Variants in FAM234A observed in about 807,000 individuals in gnomAD.
FAM234A encodes protein FAM234A.
A neutral mutation model predicts 49.1 loss-of-function variants in FAM234A; 42 were observed. That is an observed-to-expected ratio of 0.86 (90% CI 0.67 to 1.11). The LOEUF (loss-of-function observed/expected upper bound fraction) is 1.11. Among genes scored for constraint, FAM234A ranks in the 50% least tolerant of loss-of-function variants. The pLI is 0.00. For synonymous variants in FAM234A, 369 were observed against 316.2 expected (o/e 1.17, Z -1.77); for missense variants, 815 against 745.2 (o/e 1.09, Z -1.09).
intron 2 of FAM234A, among the ~76,000 whole-genome samples, chr16:250,612 G>A (rs1456683174): frequency 1.3e-5 from 2 of 152,118 alleles, no homozygotes; most frequent in African/African-American, 4.8e-5. Context: ...TGTACATAAC[G>A]TAAAATTTGC....
downstream of FAM234A, chr16:269,700 C>A: frequency 1.2e-6 from 1 of 836,840 alleles, no homozygotes; most frequent in South Asian, 1.6e-5. Flanking sequence ...GAGTCTCCGG[C>A]GGACAGGGTG....
chr16:247,697 G>A lies in FAM234A; in HGVS notation c.-139-1852G>A, dbSNP rs1327990135. Among the ~76,000 whole-genome samples the A allele has an allele frequency of 2.6e-5, 4 of 152,072 alleles. No individual in the cohort carries two copies. In the East Asian group the frequency reaches 7.7e-4, roughly 29 times the overall value. On this transcript the variant is annotated intron_variant, in intron 1 of 12. Transcript: ENST00000399932. ...CTCCGCCTGCCTTGGCCTCCCAAAG[G>A]GCTGGGATTATAGGCGTGAGCCACC...
intron 2 of FAM234A, among the ~76,000 whole-genome samples, chr16:253,671 T>A (rs2051108579): frequency 6.6e-6 from 1 of 152,110 alleles, no homozygotes; most frequent in Non-Finnish European, 1.5e-5. Flanking sequence ...AGATGGGGTT[T>A]CACCGAGTTA....
At chr16:258,723 A>AG (rs1177971491) in intron 3 of FAM234A, among the ~76,000 whole-genome samples, 3 of 152,046 alleles carry the variant, frequency 2.0e-5, no homozygotes, top group Non-Finnish European at 4.4e-5. Flanking sequence ...ACTTCCCAGT[A>AG]GGGGTGGCCG....
chr16:237,010 T>C (rs1019909141), intron 1 of FAM234A, among the ~76,000 whole-genome samples: 2 of 152,026 alleles, frequency 1.3e-5, no homozygotes, highest in African/African-American at 4.8e-5. Flanking sequence ...TTTGTTGGCC[T>C]CCTGAAGTGC....
At chr16:262,724 AAAGTTGAGT>A (rs1225160669) in intron 8 of FAM234A, among the ~76,000 whole-genome samples, 171 bp downstream of exon 8, 1 of 152,094 alleles carries the variant, frequency 6.6e-6, no homozygotes, top group Non-Finnish European at 1.5e-5. Flanking sequence ...TGGTCAAATA[AAAGTTGAGT>A]AAAGAGAAGA....
At chr16:269,603 C>T (rs369771666), downstream of FAM234A, 85 of 1,594,618 alleles carry the variant, frequency 5.3e-5, no homozygotes, top group Non-Finnish European at 7.0e-5. Flanking sequence ...AGACAGCGTC[C>T]AGCCCCTGAC....
At chr16:260,836 T>A in intron 5 of FAM234A, 1 of 369,494 alleles carries the variant, frequency 2.7e-6, no homozygotes, top group Non-Finnish European at 5.6e-6. Flanking sequence ...TGGATGAGAT[T>A]GTATGTGCGT....
At chr16:241,651 C>T (rs2050617233) in intron 1 of FAM234A, among the ~76,000 whole-genome samples, 1 of 151,898 alleles carries the variant, frequency 6.6e-6, no homozygotes, top group African/African-American at 2.4e-5. Context: ...GGCGCGGTGG[C>T]TCAGGCCTGT....
At chr16:237,477 CAAAT>C (rs1233317119) in intron 1 of FAM234A, among the ~76,000 whole-genome samples, 1 of 151,820 alleles carries the variant, frequency 6.6e-6, no homozygotes, top group Non-Finnish European at 1.5e-5. Context: ...TTAAAAAGAA[CAAAT>C]AAAATAAAAG....
intron 1 of FAM234A, among the ~76,000 whole-genome samples, chr16:238,275 T>C (rs1456211698): frequency 1.3e-5 from 2 of 152,088 alleles, no homozygotes; most frequent in Non-Finnish European, 2.9e-5. Flanking sequence ...CATCTTGGCT[T>C]CCCAAAGTGC....
chr16:263,625 G>C (rs535453437), intron 9 of FAM234A, 75 bp from the exon 10 acceptor site: 9 of 1,325,074 alleles, frequency 6.8e-6, no homozygotes, highest in Non-Finnish European at 8.7e-6. Context: ...AGGGGCGGAC[G>C]TGTTCCTGGG....
chr16:266,753 C>T (rs992770006), downstream of FAM234A, among the ~76,000 whole-genome samples: 1 of 151,288 alleles, frequency 6.6e-6, no homozygotes, highest in African/African-American at 2.4e-5. Context: ...TAACTCAGCC[C>T]AGAAGGCCTT....
intron 1 of FAM234A, among the ~76,000 whole-genome samples, chr16:244,583 A>G (rs528913686): frequency 2.0e-5 from 3 of 150,190 alleles, no homozygotes; most frequent in South Asian, 4.2e-4. Flanking sequence ...TTGATTTTCT[A>G]TTTTATACTT....
intron 7 of FAM234A, 35 bp downstream of exon 7, chr16:262,260 AC>A (rs2051497154): frequency 6.2e-7 from 1 of 1,609,810 alleles, no homozygotes; most frequent in Admixed American, 1.7e-5. Context: ...GGCCAGCCTC[AC>A]TCGTGGAGCA....
chr16:257,023 C>T (rs1389830278), intron 3 of FAM234A, among the ~76,000 whole-genome samples: 2 of 151,578 alleles, frequency 1.3e-5, no homozygotes, highest in African/African-American at 4.8e-5. Context: ...ATTACAGGCA[C>T]GTGCCACCAC....
intron 1 of FAM234A, among the ~76,000 whole-genome samples, chr16:244,178 T>A (rs9931912): frequency 6.6e-6 from 1 of 151,808 alleles, no homozygotes; most frequent in Non-Finnish European, 1.5e-5. Flanking sequence ...CCGTGTTAGC[T>A]AGGATGGTCT....
intron 3 of FAM234A, among the ~76,000 whole-genome samples, chr16:256,494 C>T (rs1391848492): frequency 2.0e-5 from 3 of 152,092 alleles, no homozygotes; most frequent in Admixed American, 6.5e-5. Context: ...TCTATTCTTG[C>T]ATCTTCTTTG....
chr16:244,070 A>G (rs532429448), intron 1 of FAM234A, among the ~76,000 whole-genome samples: 117 of 151,208 alleles, frequency 7.7e-4, no homozygotes, highest in African/African-American at 2.4e-3. Context: ...CCAGGTTCAC[A>G]CCATTCTCCT....
Sources: gnomAD v4.1 joint callset for allele counts (sites outside exome capture counted in the v4.1 genomes callset) on GRCh38, gnomAD v4.1.1 for gene constraint, MANE v1.5 for transcripts, NCBI Gene and HGNC (gene_info 2026-07-23, HGNC 2026-07-21) for gene names.